PTPN4: variants seen among roughly 807,000 people sequenced by gnomAD.
The protein encoded by PTPN4 is protein tyrosine phosphatase non-receptor type 4, also known as tyrosine-protein phosphatase non-receptor type 4.
A neutral mutation model predicts 135.5 loss-of-function variants in PTPN4; 49 were observed. The ratio of observed to expected loss-of-function variants is 0.36; its 90% confidence interval spans 0.29 to 0.46. The LOEUF is 0.46. PTPN4 is among the 20% of genes least tolerant of loss of function. The pLI, the probability that PTPN4 is intolerant of heterozygous loss-of-function variation, is 1.00. For synonymous variants in PTPN4, 333 were observed against 369.9 expected, an observed-to-expected ratio of 0.90 and a Z score of 1.14; for missense variants, 860 against 1,101.0, an observed-to-expected ratio of 0.78 and a Z score of 3.10.
At chr2:119,852,597 C>A (rs1301053275) in intron 2 of PTPN4, among the ~76,000 whole-genome samples, 13 of 152,064 alleles carry the variant, frequency 8.5e-5, no homozygotes, top group Admixed American at 8.5e-4. Flanking sequence ...TCAAATTGAC[C>A]AGATTTTTGT....
At chr2:119,843,721 C>T (rs1171158143) in intron 2 of PTPN4, among the ~76,000 whole-genome samples, 2 of 53,154 alleles carry the variant, frequency 3.8e-5, no homozygotes, top group Admixed American at 2.9e-4. Flanking sequence ...CCTCACCTCC[C>T]GGACGGGGTG....
At chr2:119,794,343 A>C (rs1415595430) in intron 1 of PTPN4, among the ~76,000 whole-genome samples, 1 of 152,148 alleles carries the variant, frequency 6.6e-6, no homozygotes, top group Non-Finnish European at 1.5e-5. Context: ...TTGGCATGGC[A>C]GGCTGTACTT....
chr2:119,825,688 G>T (rs747773623), intron 2 of PTPN4, among the ~76,000 whole-genome samples: 7 of 151,950 alleles, frequency 4.6e-5, no homozygotes, highest in Non-Finnish European at 7.4e-5. Context: ...TAGAGACAGG[G>T]TTTCACCATG....
At chr2:119,974,926 G>A (rs146100402) in intron 26 of PTPN4, among the ~76,000 whole-genome samples, 191 of 152,230 alleles carry the variant, frequency 1.3e-3, no homozygotes, top group Non-Finnish European at 2.0e-3. Context: ...TACAATATTA[G>A]CAATGAAAGA....
At chr2:119,926,049 A>T (rs1678819414) in intron 12 of PTPN4, among the ~76,000 whole-genome samples, 1 of 152,196 alleles carries the variant, frequency 6.6e-6, no homozygotes, top group South Asian at 2.1e-4. Flanking sequence ...TTGCTTGCTT[A>T]ACTATGGAAA....
rs59953430 is a variant in PTPN4 at position 119,760,733 on chromosome 2, C to CTTTTTTTTT, written c.-18+363_-18+371dup. 2.0e-4 allele frequency among the ~76,000 whole-genome samples: 16 copies of CTTTTTTTTT among 79,918 alleles called. 2 individuals carry two copies. Among genetic ancestry groups the CTTTTTTTTT allele is most frequent in the African/African-American group, 4.6e-4 (9 of 19,736 alleles). 52.4% of individuals were successfully genotyped at this position (79,918 alleles called of 152,430 possible). On this transcript the variant is annotated intron_variant, in intron 1 of 26. Coordinates refer to ENST00000263708, the MANE Select transcript of PTPN4 (RefSeq NM_002830.4). ...GAGTTTTCCATTGCTGGTAGAATTCCTTTTTTTTTTTTTTTTTTTTTTGGC... is the reference window on the plus strand; with the variant it reads ...GAGTTTTCCATTGCTGGTAGAATTCCTTTTTTTTTTTTTTTTTTTTTTTTTTTTTTTGGC...
chr2:119,946,632 T>C, intron 18 of PTPN4, 58 bp downstream of exon 18: 2 of 1,236,480 alleles, frequency 1.6e-6, no homozygotes, highest in Non-Finnish European at 2.3e-6. Flanking sequence ...ACTTATTTTA[T>C]AATTCTTACT....
At chr2:119,782,996 T>TC (rs1174731380) in intron 1 of PTPN4, among the ~76,000 whole-genome samples, 5 of 100,736 alleles carry the variant, frequency 5.0e-5, no homozygotes, top group Non-Finnish European at 6.8e-5. Context: ...CTGGCTGAAA[T>TC]CCCTTTTTTT....
At chr2:119,762,033 A>G (rs879775799) in intron 1 of PTPN4, among the ~76,000 whole-genome samples, 2 of 152,128 alleles carry the variant, frequency 1.3e-5, no homozygotes, top group East Asian at 1.9e-4. Flanking sequence ...CCCTAGTAAC[A>G]TTGTTACTTT....
At chr2:119,802,468 G>T (rs1444464239) in intron 1 of PTPN4, among the ~76,000 whole-genome samples, 2 of 152,098 alleles carry the variant, frequency 1.3e-5, no homozygotes, top group Non-Finnish European at 2.9e-5. Flanking sequence ...TGATTAAAAA[G>T]GTCATGTGAT....
intron 2 of PTPN4, among the ~76,000 whole-genome samples, chr2:119,816,654 A>G (rs963869020): frequency 6.6e-6 from 1 of 152,182 alleles, no homozygotes; most frequent in African/African-American, 2.4e-5. Flanking sequence ...CTGCAACTAT[A>G]TGGTCCCATC....
At chr2:119,961,035 A>T in intron 23 of PTPN4, 82 bp downstream of exon 23, 1 of 1,401,864 alleles carries the variant, frequency 7.1e-7, no homozygotes, top group Non-Finnish European at 9.5e-7. Flanking sequence ...ATTCATATTT[A>T]TTTAAGCCTT....
intron 10 of PTPN4, among the ~76,000 whole-genome samples, chr2:119,901,647 C>T (rs957225755): frequency 2.0e-5 from 3 of 151,680 alleles, no homozygotes; most frequent in Non-Finnish European, 4.4e-5. Context: ...AGAACCAGAC[C>T]CAGATATAGA....
intron 12 of PTPN4, among the ~76,000 whole-genome samples, chr2:119,924,341 C>T (rs1035236675): frequency 4.0e-5 from 6 of 151,508 alleles, no homozygotes; most frequent in Non-Finnish European, 7.4e-5. Flanking sequence ...GGCATATATA[C>T]CATAGTTTCA....
At chr2:119,796,667 A>G (rs983971024) in intron 1 of PTPN4, among the ~76,000 whole-genome samples, 19 of 152,204 alleles carry the variant, frequency 1.2e-4, no homozygotes, top group Admixed American at 1.0e-3. Flanking sequence ...TCATATACAG[A>G]TCTTTATATG....
chr2:119,795,371 C>T lies in PTPN4; in HGVS notation c.-17-14466C>T, dbSNP rs73948962. Among the ~76,000 whole-genome samples the T allele has an allele frequency of 4.9e-3, 741 of 152,362 alleles. 5 individuals carry two copies. Among genetic ancestry groups the T allele is most frequent in the African/African-American group, 0.017 (712 of 41,588 alleles). On this transcript the variant is annotated intron_variant, in intron 1 of 26. Coordinates refer to ENST00000263708, the MANE Select transcript of PTPN4 (RefSeq NM_002830.4). ...GACTCCTGCCACCGTTCATGGTGCC[C>T]AGGCTATTTGTGCCAAGGGGCGCCT...
Position 119,956,841 on chromosome 2 carries a change from TAGC to T in PTPN4, c.1981-1_1982del. The T allele has an allele frequency of 6.3e-7, 1 of 1,578,866 alleles. No homozygotes were observed. Among genetic ancestry groups the T allele is most frequent in the Non-Finnish European group, 8.5e-7 (1 of 1,171,074 alleles). ...GAATTGTACCTTTTTTTTTTTTTTT[TAGC>T]AACTGTATCGGAAAAAACCTGGAAT... On this transcript the variant is annotated splice_acceptor_variant and coding_sequence_variant, in exon 21 of 27. Coordinates refer to ENST00000263708, the MANE Select transcript of PTPN4 (RefSeq NM_002830.4). LOFTEE classifies it high-confidence loss of function.
chr2:119,812,823 G>A (rs1276407133), intron 2 of PTPN4, among the ~76,000 whole-genome samples: 2 of 152,134 alleles, frequency 1.3e-5, no homozygotes, highest in African/African-American at 2.4e-5. Context: ...CATAGTGTCC[G>A]TACTACATGG....
chr2:119,908,865 A>G (rs1467648835), intron 10 of PTPN4, among the ~76,000 whole-genome samples: 1 of 152,300 alleles, frequency 6.6e-6, no homozygotes, highest in East Asian at 1.9e-4. Flanking sequence ...CCCAAATGAT[A>G]CAAAAGTGAA....
Sources: allele counts gnomAD v4.1 joint callset (sites outside exome capture counted in the v4.1 genomes callset), GRCh38; gene constraint gnomAD v4.1.1; transcripts MANE v1.5; gene names NCBI Gene and HGNC (gene_info 2026-07-23, HGNC 2026-07-21).